Variants in HEATR5B observed in about 807,000 individuals in gnomAD.
HEATR5B encodes HEAT repeat containing 5B, also known as HEAT repeat-containing protein 5B.
Under a neutral mutation model 224.1 loss-of-function variants are expected in HEATR5B, and 156 were observed. The observed-to-expected ratio is 0.70, with a 90% CI of 0.61 to 0.80. HEATR5B has a LOEUF of 0.80. Ranked by LOEUF, HEATR5B falls within the 30% of genes least tolerant of loss-of-function variation. The probability of loss-of-function intolerance (pLI) is 0.00; values close to 1 mark genes in which losing one functional copy is unlikely to be tolerated. For missense variants in HEATR5B, 2,323 were observed against 2,535.5 expected (o/e 0.92, Z 1.80); for synonymous variants, 1,027 against 893.0 (o/e 1.15, Z -2.68).
rs1399182675 is a variant in HEATR5B at position 37,007,298 on chromosome 2, G to A, written c.4529C>T (p.Ala1510Val). ...FSSQLPPDGGAFYTPETIDTA... is the reference protein window; with the variant it reads ...FSSQLPPDGGVFYTPETIDTA... The stretch of plus-strand genomic sequence containing the variant: ...ATCAATAGTTTCAGGGGTATAAAAT[G>A]CTCCACCTGTAAAGCAATCAAATCA... The change falls in exon 29 of 36, where the codon GCA becomes GTA. Residue 1510 changes from alanine to valine, a missense_variant. Transcript: ENST00000233099. The A allele has an allele frequency of 6.2e-6, 10 of 1,601,488 alleles. No individual in the cohort carries two copies. Among genetic ancestry groups the A allele is most frequent in the African/African-American group, 2.7e-5 (2 of 73,256 alleles).
At chr2:36,992,902 T>G (rs913461796) in intron 33 of HEATR5B, among the ~76,000 whole-genome samples, 1 of 151,902 alleles carries the variant, frequency 6.6e-6, no homozygotes, top group African/African-American at 2.4e-5. Flanking sequence ...ATTTAAAAAT[T>G]TTTTATAGAG....
At chr2:36,995,924 T>G (rs1352608412) in intron 33 of HEATR5B, among the ~76,000 whole-genome samples, 10 of 152,110 alleles carry the variant, frequency 6.6e-5, no homozygotes, top group Admixed American at 6.6e-4. Flanking sequence ...CTTGCTTTTT[T>G]GCCCAGGCTG....
chr2:37,020,046 G>C (rs1558740381), intron 25 of HEATR5B, among the ~76,000 whole-genome samples, 169 bp from the exon 26 acceptor site: 1 of 151,968 alleles, frequency 6.6e-6, no homozygotes, highest in Non-Finnish European at 1.5e-5. Flanking sequence ...TGGGATTATA[G>C]GCATGCACCA....
rs771628790 is a variant in HEATR5B, at chr2:37,060,638, G to A, written c.1792C>T (p.Arg598Ter). The A allele has an allele frequency of 9.9e-6, 16 of 1,613,718 alleles. No homozygotes were observed. The highest frequency in any genetic ancestry group is 1.3e-5 in the African/African-American group (1 of 74,856). ...ACCTGCCAGGTAAAAGAATCGCCTC[G>A]GGCCTTCTCAGCTTCCAATTCCTTT... ...SLKELEAEKA[R>*]GDSFTWQVTL... Residue 598 changes from arginine (R) to a stop codon, truncating the protein, a stop_gained, in exon 12 of 36, where the codon CGA becomes TGA. Transcript: ENST00000233099. LOFTEE classifies it high-confidence loss of function.
intron 27 of HEATR5B, 58 bp from the exon 28 acceptor site, chr2:37,008,906 T>C: frequency 9.7e-7 from 1 of 1,034,308 alleles, no homozygotes; most frequent in Non-Finnish European, 1.4e-6. Context: ...AATAAGATAT[T>C]TTACGTTATT....
At chr2:37,030,982 G>A (rs72873867) in intron 22 of HEATR5B, among the ~76,000 whole-genome samples, 25,057 of 152,196 alleles carry the variant, frequency 0.16, 2,287 homozygotes, top group African/African-American at 0.22. Context: ...CTTTCCTTCT[G>A]AGTCCGAACT....
chr2:37,049,919 C>G, intron 17 of HEATR5B, 76 bp from the exon 18 acceptor site: 1 of 1,340,008 alleles, frequency 7.5e-7, no homozygotes. Context: ...AAGGCAAGGT[C>G]TTGCTCCCTT....
At chr2:37,011,654 T>C (rs959318504) in intron 27 of HEATR5B, among the ~76,000 whole-genome samples, 1 of 152,228 alleles carries the variant, frequency 6.6e-6, no homozygotes, top group Non-Finnish European at 1.5e-5. Context: ...ATAACCATTA[T>C]TTTAATGACT....
At chr2:37,048,007 T>C (rs146276365) in intron 18 of HEATR5B, among the ~76,000 whole-genome samples, 125 of 152,048 alleles carry the variant, frequency 8.2e-4, no homozygotes, top group African/African-American at 2.3e-3. Flanking sequence ...TGTGAAAAAA[T>C]GGGTAACAAA....
At chr2:36,984,200 C>CAAAAAAAAAAAAAAAAAAAAAA (rs1208435239) in intron 35 of HEATR5B, among the ~76,000 whole-genome samples, 4 of 29,012 alleles carry the variant, frequency 1.4e-4, no homozygotes, top group Admixed American at 3.2e-4. Context: ...AACTCTGTCT[C>CAAAAAAAAAAAAAAAAAAAAAA]AAAAAAAAAA....
At position 37,032,692 on chromosome 2, in the gene HEATR5B, C is replaced by T. The variant is rs1394174125; in HGVS notation, c.3298G>A (p.Glu1100Lys). 1 of 1,614,064 alleles carries T rather than the reference C, an allele frequency of 6.2e-7. No individual in the cohort carries two copies. The highest frequency in any genetic ancestry group is 1.1e-5 in the South Asian group (1 of 91,082). The change falls in exon 22 of 36, where the codon GAA becomes AAA. Residue 1100 changes from glutamate (E) to lysine (K), a missense_variant. Coordinates refer to ENST00000233099, the MANE Select transcript of HEATR5B (RefSeq NM_019024.3). ...AGGCTCATGGCATATTCACATACTTCCGCTGCTTCTCTTTGTGCAAGTTGC... is the reference window on the plus strand; with the variant it reads ...AGGCTCATGGCATATTCACATACTTTCGCTGCTTCTCTTTGTGCAAGTTGC... ...LRQLAQREAA[E>K]VCEYAMSLAK...
intron 10 of HEATR5B, among the ~76,000 whole-genome samples, chr2:37,062,506 G>C (rs1671346220): frequency 6.6e-6 from 1 of 152,194 alleles, no homozygotes; most frequent in African/African-American, 2.4e-5. Context: ...GGTTAGTCTT[G>C]ATTGCACTGA....
rs373404513 is a variant in HEATR5B, at chr2:37,008,853, T to C, written c.4285-5A>G. ...ATTCATAGCGACCACATATACCTAA[T>C]ATGATATTTATGAGGACAAAATAGT... On this transcript the variant is annotated splice_region_variant and splice_polypyrimidine_tract_variant and intron_variant, in intron 27 of 35. Coordinates refer to ENST00000233099, the MANE Select transcript of HEATR5B (RefSeq NM_019024.3). 16 of 1,514,980 alleles carry C rather than the reference T, an allele frequency of 1.1e-5. No individual in the cohort carries two copies. Among genetic ancestry groups the C allele is most frequent in the Middle Eastern group, 1.7e-4 (1 of 5,856 alleles). 93.8% of individuals were successfully genotyped at this position (1,514,980 alleles called of 1,614,324 possible). A position where few individuals can be genotyped will look rare whatever the true frequency, so the allele number is the denominator to read the frequency against.
chr2:37,017,113 A>G (rs1668163499), intron 26 of HEATR5B, among the ~76,000 whole-genome samples: 1 of 152,146 alleles, frequency 6.6e-6, no homozygotes. Flanking sequence ...GTAAAAACCT[A>G]AGTATTTTCT....
Position 37,058,567 on chromosome 2 carries a change from T to A in HEATR5B, c.1950-7A>T. ...TTTCATTACAGATGGAATGCTAAAATATCAAAAACATAGTTGGTAATGGCT... is the reference window on the plus strand; with the variant it reads ...TTTCATTACAGATGGAATGCTAAAAAATCAAAAACATAGTTGGTAATGGCT... On this transcript the variant is annotated splice_region_variant and splice_polypyrimidine_tract_variant and intron_variant, in intron 13 of 35. Coordinates refer to ENST00000233099, the MANE Select transcript of HEATR5B (RefSeq NM_019024.3). 1.3e-6 allele frequency: 2 copies of A among 1,579,494 alleles called. No individual in the cohort carries two copies. Among genetic ancestry groups the A allele is most frequent in the Non-Finnish European group, 1.7e-6 (2 of 1,149,104 alleles).
intron 7 of HEATR5B, among the ~76,000 whole-genome samples, chr2:37,069,245 T>G (rs1278169801): frequency 1.3e-5 from 2 of 152,200 alleles, no homozygotes; most frequent in African/African-American, 4.8e-5. Context: ...AAGAAAACCT[T>G]AACATCCTAA....
At position 37,008,852 on chromosome 2, in the gene HEATR5B, A is replaced by T. The variant is rs1667600371; in HGVS notation, c.4285-4T>A. 2 of 1,547,006 alleles carry T rather than the reference A, an allele frequency of 1.3e-6. No homozygotes were observed. The highest frequency in any genetic ancestry group is 2.2e-5 in the East Asian group (1 of 44,506). On this transcript the variant is annotated splice_region_variant and splice_polypyrimidine_tract_variant and intron_variant, in intron 27 of 35. Transcript: ENST00000233099. ...TATTCATAGCGACCACATATACCTA[A>T]TATGATATTTATGAGGACAAAATAG... is the stretch of plus-strand genomic sequence containing the variant.
In HEATR5B at chr2:37,064,876, A is replaced by T. The variant is rs1671496243; in HGVS notation, c.1448T>A (p.Phe483Tyr). 1 of 1,614,110 alleles carries T rather than the reference A, an allele frequency of 6.2e-7. No individual in the cohort carries two copies. Among genetic ancestry groups the T allele is most frequent in the Admixed American group, 1.7e-5 (1 of 59,986 alleles). Residue 483 changes from phenylalanine to tyrosine, a missense_variant, in exon 10 of 36, where the codon TTT (phenylalanine) becomes TAT (tyrosine). Coordinates refer to ENST00000233099, the MANE Select transcript of HEATR5B (RefSeq NM_019024.3). ...AVALPFQLTP[F>Y]LDRCAERLNN... ...GAGCCGTTCTGCACACCTGTCTAGAAATGGTGTCAGCTGGAAAGGTAATGC... is the reference window on the plus strand; with the variant it reads ...GAGCCGTTCTGCACACCTGTCTAGATATGGTGTCAGCTGGAAAGGTAATGC...
At chr2:37,082,746 A>G (rs192171441) in intron 2 of HEATR5B, among the ~76,000 whole-genome samples, 25 of 152,236 alleles carry the variant, frequency 1.6e-4, no homozygotes, top group African/African-American at 5.8e-4. Context: ...GTTAATAGAC[A>G]CTTGAGTAAA....
Sources: gnomAD v4.1 joint callset for allele counts (sites outside exome capture counted in the v4.1 genomes callset) on GRCh38, gnomAD v4.1.1 for gene constraint, MANE v1.5 for transcripts, NCBI Gene and HGNC (gene_info 2026-07-23, HGNC 2026-07-21) for gene names.